Variants in PPDPFL observed in about 807,000 individuals in gnomAD.
PPDPFL encodes pancreatic progenitor cell differentiation and proliferation factor like, also known as pancreatic progenitor cell differentiation and proliferation factor-like protein.
A neutral mutation model predicts 12.6 loss-of-function variants in PPDPFL; 12 were observed. The observed-to-expected ratio is 0.95, with a 90% CI of 0.61 to 1.54. PPDPFL has a LOEUF of 1.54. PPDPFL is among the 40% of genes most tolerant of loss of function. The probability of loss-of-function intolerance (pLI) is 0.00; values close to 1 mark genes in which losing one functional copy is unlikely to be tolerated. For missense variants in PPDPFL, 114 were observed against 96.0 expected (o/e 1.19, Z -0.78); for synonymous variants, 24 against 32.7 (o/e 0.73, Z 0.91).
At chr8:49,066,849 T>C (rs908002799) in intron 1 of PPDPFL, among the ~76,000 whole-genome samples, 1 of 152,138 alleles carries the variant, frequency 6.6e-6, no homozygotes, top group East Asian at 1.9e-4. Context: ...TCCAGTGCCA[T>C]GGGAAGTGGT....
At chr8:49,070,639 A>T (rs1434571438), upstream of PPDPFL, among the ~76,000 whole-genome samples, 1 of 152,222 alleles carries the variant, frequency 6.6e-6, no homozygotes, top group Non-Finnish European at 1.5e-5. Context: ...CTAATTATTA[A>T]AGCAGAGAGG....
intron 1 of PPDPFL, among the ~76,000 whole-genome samples, chr8:49,061,417 T>C (rs796858023): frequency 6.6e-6 from 1 of 152,286 alleles, no homozygotes; most frequent in South Asian, 2.1e-4. Context: ...TAAATGTCTC[T>C]TGTTTAAGTC....
intron 1 of PPDPFL, among the ~76,000 whole-genome samples, chr8:49,063,449 G>A (rs542102743): frequency 6.6e-6 from 1 of 152,202 alleles, no homozygotes; most frequent in Non-Finnish European, 1.5e-5. Context: ...GCTGGGCGTG[G>A]TGTCTCATGC....
intron 1 of PPDPFL, among the ~76,000 whole-genome samples, chr8:49,057,019 A>G (rs1808121233): frequency 6.6e-6 from 1 of 152,142 alleles, no homozygotes; most frequent in African/African-American, 2.4e-5. Context: ...CTGGACTTGA[A>G]ATCACTTGGT....
intron 1 of PPDPFL, among the ~76,000 whole-genome samples, chr8:49,064,909 A>G (rs901702831): frequency 7.9e-5 from 12 of 152,178 alleles, no homozygotes; most frequent in African/African-American, 2.7e-4. Context: ...GAATTTGATA[A>G]TTCTTTGGTC....
At chr8:49,072,634 A>G (rs1188863168) in intron 1 of PPDPFL, among the ~76,000 whole-genome samples, 152 bp downstream of exon 1, 1 of 152,154 alleles carries the variant, frequency 6.6e-6, no homozygotes, top group Non-Finnish European at 1.5e-5. Context: ...ATTGCAGTAT[A>G]TTTGGTTGAA....
At chr8:49,062,889 C>T (rs1808235771) in intron 1 of PPDPFL, among the ~76,000 whole-genome samples, 3 of 152,138 alleles carry the variant, frequency 2.0e-5, no homozygotes, top group Non-Finnish European at 2.9e-5. Flanking sequence ...TTATTAGACA[C>T]TTCTCAGACC....
At chr8:49,067,112 A>T (rs987733678) in intron 1 of PPDPFL, among the ~76,000 whole-genome samples, 14 of 152,260 alleles carry the variant, frequency 9.2e-5, no homozygotes, top group Non-Finnish European at 1.8e-4. Context: ...TATAAAATTT[A>T]AACAAACAAT....
chr8:49,061,477 C>T (rs529728216), intron 1 of PPDPFL, among the ~76,000 whole-genome samples: 22 of 152,286 alleles, frequency 1.4e-4, no homozygotes, highest in Middle Eastern at 3.4e-3. Flanking sequence ...AATGAACACA[C>T]GGGGCAATTG....
At chr8:49,068,486 A>G (rs1330538259), upstream of PPDPFL, among the ~76,000 whole-genome samples, 3 of 152,242 alleles carry the variant, frequency 2.0e-5, no homozygotes, top group African/African-American at 7.2e-5. Context: ...GACAGAATGC[A>G]CATGGAATGA....
chr8:49,056,803 C>T (rs1044256956), intron 1 of PPDPFL, among the ~76,000 whole-genome samples: 31 of 152,224 alleles, frequency 2.0e-4, no homozygotes, highest in African/African-American at 6.5e-4. Flanking sequence ...GATAGAAATA[C>T]GACAATCAGT....
chr8:49,055,720 G>T (rs904391516), intron 1 of PPDPFL, among the ~76,000 whole-genome samples: 2 of 151,972 alleles, frequency 1.3e-5, no homozygotes, highest in Non-Finnish European at 2.9e-5. Flanking sequence ...TTTCAGATTT[G>T]ACTGTCCAAA....
upstream of PPDPFL, among the ~76,000 whole-genome samples, chr8:49,068,323 C>A (rs1486561395): frequency 6.6e-6 from 1 of 152,074 alleles, no homozygotes; most frequent in African/African-American, 2.4e-5. Context: ...TACCTGAACA[C>A]CATGATGCCA....
chr8:49,058,739 A>G (rs1049558372), intron 1 of PPDPFL, among the ~76,000 whole-genome samples: 28 of 152,324 alleles, frequency 1.8e-4, no homozygotes, highest in African/African-American at 6.3e-4. Flanking sequence ...TTATTTAATA[A>G]AGAGCCTTAA....
At position 49,073,091 on chromosome 8, in the gene PPDPFL, G is replaced by A. The variant is rs530247112; in HGVS notation, c.55+206G>A. On this transcript the variant is annotated intron_variant, in intron 2 of 4. Coordinates refer to ENST00000522267, the MANE Select transcript of PPDPFL (RefSeq NM_001256597.2). ...GTTCTAGCTACGCTGTATCGTTGAAGCCATTGACACTTAAAAATCAGTGAA... is the reference window on the plus strand; with the variant it reads ...GTTCTAGCTACGCTGTATCGTTGAAACCATTGACACTTAAAAATCAGTGAA... Among the ~76,000 whole-genome samples the A allele has an allele frequency of 4.6e-5, 7 of 152,310 alleles. No individual in the cohort carries two copies. In the South Asian group the frequency reaches 1.5e-3, roughly 32 times the overall value.
At chr8:49,055,061 T>C (rs1303595350) in intron 1 of PPDPFL, among the ~76,000 whole-genome samples, 1 of 152,184 alleles carries the variant, frequency 6.6e-6, no homozygotes, top group Non-Finnish European at 1.5e-5. Flanking sequence ...CTCATAGAGT[T>C]TTCCTAAAAT....
In PPDPFL at chr8:49,074,284, T is replaced by G; in HGVS notation, c.184T>G (p.Ser62Ala). ...CTGGTGGTTTAAATCGTTTTTCCAT[T>G]CTGAACCTGTGCTTTCAAATGTGAG... is the stretch of plus-strand genomic sequence containing the variant. ...STWWFKSFFH[S>A]EPVLSNVRIK... The change falls in exon 4 of 5, where the codon TCT becomes GCT. Residue 62 changes from serine to alanine, a missense_variant. Coordinates refer to ENST00000522267, the MANE Select transcript of PPDPFL (RefSeq NM_001256597.2). 6.2e-7 allele frequency: 1 copy of G among 1,614,046 alleles called. No individual in the cohort carries two copies. Among genetic ancestry groups the G allele is most frequent in the Non-Finnish European group, 8.5e-7 (1 of 1,179,904 alleles).
intron 4 of PPDPFL, 73 bp downstream of exon 4, chr8:49,074,406 G>A: frequency 1.9e-6 from 3 of 1,573,490 alleles, no homozygotes; most frequent in Non-Finnish European, 2.6e-6. Flanking sequence ...TATGTGTTAT[G>A]CTACTCACTT....
chr8:49,076,074 A>C lies in PPDPFL; in HGVS notation c.*901A>C, dbSNP rs1316368246. 6.6e-6 allele frequency: 1 copy of C among 152,204 alleles called. No homozygotes were observed. The highest frequency in any genetic ancestry group is 6.5e-5 in the Admixed American group (1 of 15,274). 9.4% of individuals were successfully genotyped at this position (152,204 alleles called of 1,614,324 possible). ...TATTGTGCGTAATTAGAAAATAATA[A>C]ATGTTAATATAAAAAAGCACTGAAA... On this transcript the variant is annotated 3_prime_UTR_variant, in exon 5 of 5. Coordinates refer to ENST00000522267, the MANE Select transcript of PPDPFL (RefSeq NM_001256597.2).
Sources: allele counts gnomAD v4.1 joint callset (sites outside exome capture counted in the v4.1 genomes callset), GRCh38; gene constraint gnomAD v4.1.1; transcripts MANE v1.5; gene names NCBI Gene and HGNC (gene_info 2026-07-23, HGNC 2026-07-21).